Variants in SLC1A3 observed in about 807,000 individuals in gnomAD.
SLC1A3 encodes excitatory amino acid transporter 1.
Under a neutral mutation model 48.1 loss-of-function variants are expected in SLC1A3, and 21 were observed. The ratio of observed to expected loss-of-function variants is 0.44; its 90% CI spans 0.31 to 0.63. The LOEUF is 0.63. Ranked by LOEUF, SLC1A3 falls within the 20% of genes least tolerant of loss-of-function variation. SLC1A3 has a pLI of 0.08. For synonymous variants in SLC1A3, 239 were observed against 251.4 expected, an observed-to-expected ratio of 0.95 and a Z score of 0.47; for missense variants, 546 against 689.0, an observed-to-expected ratio of 0.79 and a Z score of 2.32.
At position 36,638,629 on chromosome 5, in the gene SLC1A3, A is replaced by G. The variant is rs1187672529; in HGVS notation, c.319+9042A>G. Among the ~76,000 whole-genome samples the G allele has an allele frequency of 3.9e-5, 6 of 152,098 alleles. No homozygotes were observed. In the South Asian group the frequency reaches 1.0e-3, roughly 26 times the overall value. On this transcript the variant is annotated intron_variant, in intron 3 of 9. Transcript: ENST00000265113. ...TGTATTTTTGTGGCATCTGGAGCAA[A>G]GTTCATCCTGCCTGAGAAGTGTACC...
In SLC1A3 at chr5:36,687,651, C is replaced by T. The variant is rs747172655; in HGVS notation, c.*1382C>T. 1 of 152,350 alleles carries T rather than the reference C, an allele frequency of 6.6e-6. No individual in the cohort carries two copies. The highest frequency in any genetic ancestry group is 2.4e-5 in the African/African-American group (1 of 41,446). The allele number at this position is 152,350 out of a possible 1,614,324, so 9.4% of individuals were successfully genotyped here. A position where few individuals can be genotyped will look rare whatever the true frequency, so the allele number is the denominator to read the frequency against. On this transcript the variant is annotated 3_prime_UTR_variant, in exon 10 of 10. Transcript: ENST00000265113. ...AATATTTATTTGTTTTGGAATCCCA[C>T]TTATCAAATCATTCAAAACTTTCAG...
chr5:36,629,060 G>C (rs372679881), intron 2 of SLC1A3, among the ~76,000 whole-genome samples: 12 of 152,048 alleles, frequency 7.9e-5, no homozygotes, highest in Middle Eastern at 3.2e-3. Context: ...TGTTATAAAG[G>C]AACTTAATTA....
At chr5:36,608,864 C>A in intron 2 of SLC1A3, 2 of 1,214,788 alleles carry the variant, frequency 1.6e-6, no homozygotes, top group Non-Finnish European at 1.0e-6. Context: ...AATATTTTCC[C>A]ATTTCATGTA....
intron 2 of SLC1A3, among the ~76,000 whole-genome samples, chr5:36,610,406 T>C (rs141427706): frequency 3.5e-4 from 54 of 152,344 alleles, no homozygotes; most frequent in African/African-American, 1.3e-3. Flanking sequence ...TACTCATTTA[T>C]AATTCATGAT....
chr5:36,625,550 C>T lies in SLC1A3; in HGVS notation c.182-3900C>T, dbSNP rs375815083. The stretch of plus-strand genomic sequence containing the variant: ...CACCATCGTTAACACATAGTAAGGG[C>T]TCAATAAATTTTCCCCTTTCCCAGT... On this transcript the variant is annotated intron_variant, in intron 2 of 9. Transcript: ENST00000265113. 8.3e-4 allele frequency among the ~76,000 whole-genome samples: 126 copies of T among 152,252 alleles called. 1 individual carries two copies. Among genetic ancestry groups the T allele is most frequent in the African/African-American group, 2.8e-3 (118 of 41,558 alleles).
chr5:36,645,318 C>T (rs1740792414), intron 3 of SLC1A3, among the ~76,000 whole-genome samples: 1 of 99,064 alleles, frequency 1.0e-5, no homozygotes, highest in Admixed American at 1.2e-4. Flanking sequence ...ACTTCCGCTG[C>T]CTTTTTTTTT....
chr5:36,672,419 A>C (rs1015129595), intron 4 of SLC1A3, among the ~76,000 whole-genome samples: 8 of 152,214 alleles, frequency 5.3e-5, no homozygotes, highest in Admixed American at 5.2e-4. Flanking sequence ...CCATCTGCTC[A>C]GCATTCCCCC....
At chr5:36,683,775 G>C (rs1742534374) in intron 8 of SLC1A3, 89 bp from the exon 9 acceptor site, 1 of 1,411,014 alleles carries the variant, frequency 7.1e-7, no homozygotes, top group African/African-American at 1.4e-5. Context: ...GGCAAGTCAG[G>C]CATCGGCACC....
At chr5:36,685,133 A>C (rs1285425940) in intron 9 of SLC1A3, among the ~76,000 whole-genome samples, 1 of 152,236 alleles carries the variant, frequency 6.6e-6, no homozygotes, top group African/African-American at 2.4e-5. Flanking sequence ...AATTTATTAC[A>C]TGTTTTATTT....
intron 3 of SLC1A3, among the ~76,000 whole-genome samples, chr5:36,639,497 T>C (rs1200695989): frequency 6.6e-6 from 1 of 152,248 alleles, no homozygotes; most frequent in Non-Finnish European, 1.5e-5. Flanking sequence ...GTATCTCTAA[T>C]ATTCTGCTCT....
chr5:36,614,361 TACTC>T (rs1202774479), intron 2 of SLC1A3, among the ~76,000 whole-genome samples: 1 of 152,168 alleles, frequency 6.6e-6, no homozygotes, highest in Non-Finnish European at 1.5e-5. Context: ...GGGCAGAAGA[TACTC>T]ACCTGGTTTT....
At chr5:36,627,828 G>C (rs1739974184) in intron 2 of SLC1A3, among the ~76,000 whole-genome samples, 1 of 152,206 alleles carries the variant, frequency 6.6e-6, no homozygotes, top group African/African-American at 2.4e-5. Flanking sequence ...CAAATTGTCT[G>C]TTTTTAAATC....
intron 2 of SLC1A3, among the ~76,000 whole-genome samples, chr5:36,629,059 G>A (rs1402355020): frequency 6.6e-6 from 1 of 152,100 alleles, no homozygotes; most frequent in African/African-American, 2.4e-5. Context: ...TTGTTATAAA[G>A]GAACTTAATT....
intron 1 of SLC1A3, 164 bp from the exon 2 acceptor site, chr5:36,608,165 C>T (rs1739035833): frequency 4.5e-6 from 2 of 447,816 alleles, no homozygotes; most frequent in South Asian, 8.1e-5. Context: ...ACACGTGGTC[C>T]ACTAAAATAT....
chr5:36,661,813 C>T (rs1741525929), intron 3 of SLC1A3, among the ~76,000 whole-genome samples: 1 of 152,200 alleles, frequency 6.6e-6, no homozygotes. Flanking sequence ...AGAAAGGTCA[C>T]CCCTTGAGTC....
intron 8 of SLC1A3, among the ~76,000 whole-genome samples, chr5:36,681,720 A>G (rs901072101): frequency 1.3e-5 from 2 of 152,154 alleles, no homozygotes; most frequent in African/African-American, 4.8e-5. Context: ...CTTTTTGCTT[A>G]TTAAAAGTTA....
chr5:36,624,436 C>A (rs1465571109), intron 2 of SLC1A3, among the ~76,000 whole-genome samples: 1 of 152,190 alleles, frequency 6.6e-6, no homozygotes, highest in Admixed American at 6.5e-5. Context: ...TAGGTGAGCA[C>A]GTAACCCCTC....
intron 3 of SLC1A3, among the ~76,000 whole-genome samples, chr5:36,639,332 A>G (rs1389494778): frequency 6.6e-6 from 1 of 152,258 alleles, no homozygotes; most frequent in African/African-American, 2.4e-5. Context: ...CTGCTAAAAC[A>G]TCGGCACTAT....
chr5:36,675,722 T>A (rs1453517963), intron 5 of SLC1A3, among the ~76,000 whole-genome samples: 1 of 152,198 alleles, frequency 6.6e-6, no homozygotes, highest in Non-Finnish European at 1.5e-5. Flanking sequence ...ATGGGGCCAA[T>A]TTTTTTGTTG....
Sources: gnomAD v4.1 joint callset for allele counts (sites outside exome capture counted in the v4.1 genomes callset) on GRCh38, gnomAD v4.1.1 for gene constraint, MANE v1.5 for transcripts, NCBI Gene and HGNC (gene_info 2026-07-23, HGNC 2026-07-21) for gene names.